The following TNFRSF19 variants were observed in gnomAD, a reference collection of about 807,000 sequenced individuals.
TNFRSF19 encodes the protein TNF receptor superfamily member 19.
In TNFRSF19, 27 loss-of-function variants were observed where a neutral mutation model predicts 46.4. That is an observed-to-expected ratio of 0.58 (90% CI 0.43 to 0.80). The LOEUF (loss-of-function observed/expected upper bound fraction) is 0.80. Among genes scored for constraint, TNFRSF19 ranks in the 30% least tolerant of loss-of-function variants. The pLI is 0.00. For missense variants in TNFRSF19, 511 were observed against 530.8 expected, an observed-to-expected ratio of 0.96 and a Z score of 0.37; for synonymous variants, 204 against 205.0, an observed-to-expected ratio of 1.00 and a Z score of 0.04.
intron 9 of TNFRSF19, chr13:23,669,404 C>G: frequency 1.8e-6 from 2 of 1,113,396 alleles, no homozygotes; most frequent in Non-Finnish European, 2.2e-6. Context: ...ATGGGAGCAT[C>G]TTGCAGACAA....
intron 9 of TNFRSF19, among the ~76,000 whole-genome samples, chr13:23,670,548 G>A (rs1170685336): frequency 2.0e-5 from 3 of 152,198 alleles, no homozygotes; most frequent in African/African-American, 7.2e-5. Context: ...CACTGATCTT[G>A]TTCTTTTGAG....
At chr13:23,619,024 G>T (rs182879671) in intron 4 of TNFRSF19, among the ~76,000 whole-genome samples, 209 of 152,230 alleles carry the variant, frequency 1.4e-3, no homozygotes, top group Non-Finnish European at 1.1e-3. Context: ...CTTGATCTTG[G>T]ACTTCCCAGC....
intron 3 of TNFRSF19, among the ~76,000 whole-genome samples, chr13:23,613,866 CA>C (rs1881068884): frequency 6.6e-6 from 1 of 152,222 alleles, no homozygotes; most frequent in Non-Finnish European, 1.5e-5. Flanking sequence ...GATCACCCCG[CA>C]AAGACCCAGC....
intron 9 of TNFRSF19, among the ~76,000 whole-genome samples, chr13:23,672,248 T>A (rs1393990750): frequency 6.6e-6 from 1 of 152,218 alleles, no homozygotes; most frequent in East Asian, 1.9e-4. Context: ...TTTAATCAAG[T>A]TTTTCCTATA....
At chr13:23,626,834 C>G in intron 5 of TNFRSF19, 42 bp downstream of exon 5, 2 of 1,589,226 alleles carry the variant, frequency 1.3e-6, no homozygotes, top group Non-Finnish European at 1.7e-6. Flanking sequence ...GGACGCCTGG[C>G]CTTTTGAAAA....
chr13:23,594,888 C>T (rs937115491), intron 3 of TNFRSF19, among the ~76,000 whole-genome samples: 3 of 152,192 alleles, frequency 2.0e-5, no homozygotes, highest in Admixed American at 2.0e-4. Flanking sequence ...TGGTGGGTGC[C>T]CCTTTGGGAC....
Position 23,583,906 on chromosome 13 carries a change from A to G in TNFRSF19, c.-34-6244A>G, listed in dbSNP as rs539731151. Among the ~76,000 whole-genome samples the G allele has an allele frequency of 1.3e-4, 20 of 152,346 alleles. 1 individual carries two copies. In the South Asian group the frequency reaches 3.7e-3, roughly 28 times the overall value. The stretch of plus-strand genomic sequence containing the variant: ...AGAGAAACATTCATGAATTTTGGGA[A>G]AAACACATTAGTTACAGTATGCTTG... On this transcript the variant is annotated intron_variant, in intron 1 of 9. Transcript: ENST00000248484.
rs184527142 is a variant in TNFRSF19 at position 23,675,952 on chromosome 13, A to C, written c.*2572A>C. 145 of 152,346 alleles carry C rather than the reference A, an allele frequency of 9.5e-4. 2 individuals carry two copies. Among genetic ancestry groups the C allele is most frequent in the African/African-American group, 3.3e-3 (138 of 41,580 alleles). The allele number at this position is 152,346 out of a possible 1,614,324, so 9.4% of individuals were successfully genotyped here. On this transcript the variant is annotated 3_prime_UTR_variant, in exon 10 of 10. Coordinates refer to ENST00000248484, the MANE Select transcript of TNFRSF19 (RefSeq NM_148957.4). ...GTAAGAAAAAGAAAGGAAAACCATC[A>C]TTGCTTTATAGTAGCTTATATCAAT... is the stretch of plus-strand genomic sequence containing the variant.
At chr13:23,615,827 A>G in intron 3 of TNFRSF19, 40 bp from the exon 4 acceptor site, 2 of 1,523,650 alleles carry the variant, frequency 1.3e-6, no homozygotes, top group Non-Finnish European at 1.8e-6. Context: ...TCACGCTTGC[A>G]AAGTCTGAAT....
At chr13:23,667,927 T>G in intron 7 of TNFRSF19, 53 bp from the exon 8 acceptor site, 1 of 1,457,772 alleles carries the variant, frequency 6.9e-7, no homozygotes, top group Non-Finnish European at 9.3e-7. Flanking sequence ...GTTATTAAAG[T>G]GAAAGCTGCC....
intron 5 of TNFRSF19, among the ~76,000 whole-genome samples, chr13:23,651,505 C>T (rs557486776): frequency 2.0e-5 from 3 of 152,194 alleles, no homozygotes; most frequent in Admixed American, 6.5e-5. Context: ...AAACATAAGG[C>T]GTTAATGAAA....
chr13:23,605,809 G>A (rs1880473197), intron 3 of TNFRSF19, among the ~76,000 whole-genome samples: 1 of 152,202 alleles, frequency 6.6e-6, no homozygotes, highest in Non-Finnish European at 1.5e-5. Context: ...TAAGGGTGAG[G>A]GAGGGATGGA....
At chr13:23,658,294 A>G (rs1340169859) in intron 5 of TNFRSF19, among the ~76,000 whole-genome samples, 1 of 152,154 alleles carries the variant, frequency 6.6e-6, no homozygotes, top group Non-Finnish European at 1.5e-5. Context: ...TATTACCTCC[A>G]TTTGAACAGA....
chr13:23,669,217 T>C, intron 9 of TNFRSF19, 120 bp downstream of exon 9: 1 of 1,442,378 alleles, frequency 6.9e-7, no homozygotes, highest in Non-Finnish European at 9.0e-7. Context: ...TTTAATAATT[T>C]CTTGTATGTT....
intron 7 of TNFRSF19, among the ~76,000 whole-genome samples, chr13:23,662,648 T>C (rs1178664671): frequency 6.6e-6 from 1 of 152,248 alleles, no homozygotes; most frequent in East Asian, 1.9e-4. Context: ...AATTGATTAT[T>C]CCTATCCATG....
chr13:23,630,816 C>T lies in TNFRSF19; in HGVS notation c.445+4024C>T, dbSNP rs17079079. Among the ~76,000 whole-genome samples, 185 of 152,196 alleles carry T rather than the reference C, an allele frequency of 1.2e-3. 3 individuals are homozygous for T. The East Asian group carries it at 0.032, about 27-fold the overall frequency. ...ATGTTTACTTAATTTGGAACAAATA[C>T]TGTGGTTGGAACAAATGGTTTTGAA... On this transcript the variant is annotated intron_variant, in intron 5 of 9. Transcript: ENST00000248484.
intron 5 of TNFRSF19, among the ~76,000 whole-genome samples, chr13:23,658,455 G>A (rs900803356): frequency 6.6e-6 from 1 of 152,004 alleles, no homozygotes; most frequent in Non-Finnish European, 1.5e-5. Flanking sequence ...TGACTATGCC[G>A]GCCTTTCCAT....
intron 1 of TNFRSF19, among the ~76,000 whole-genome samples, chr13:23,582,552 C>T (rs1361662899): frequency 6.6e-6 from 1 of 152,158 alleles, no homozygotes; most frequent in Non-Finnish European, 1.5e-5. Flanking sequence ...AAAACTAACA[C>T]CCTTAGTGAG....
chr13:23,669,235 A>G, intron 9 of TNFRSF19, 138 bp downstream of exon 9: 3 of 1,408,112 alleles, frequency 2.1e-6, no homozygotes, highest in South Asian at 3.4e-5. Context: ...GTTGTAGAGT[A>G]TGTTTTAAAA....
Sources: allele counts gnomAD v4.1 joint callset (sites outside exome capture counted in the v4.1 genomes callset), GRCh38; gene constraint gnomAD v4.1.1; transcripts MANE v1.5; gene names NCBI Gene and HGNC (gene_info 2026-07-23, HGNC 2026-07-21).